The following PIEZO2 variants were observed in gnomAD, a reference collection of about 807,000 sequenced individuals.
PIEZO2 encodes the protein piezo-type mechanosensitive ion channel component 2.
In PIEZO2, 172 loss-of-function variants were observed where a neutral mutation model predicts 337.3. The observed-to-expected ratio is 0.51, with a 90% confidence interval of 0.45 to 0.58. PIEZO2 has a LOEUF of 0.58. Ranked by LOEUF, PIEZO2 falls within the 20% of genes least tolerant of loss-of-function variation. The pLI is 0.00. For missense variants in PIEZO2, 3,028 were observed against 3,391.3 expected, an observed-to-expected ratio of 0.89 and a Z score of 2.66; for synonymous variants, 1,251 against 1,228.5, an observed-to-expected ratio of 1.02 and a Z score of -0.38.
At chr18:10,868,424 T>A (rs1174405376) in intron 5 of PIEZO2, among the ~76,000 whole-genome samples, 3 of 152,148 alleles carry the variant, frequency 2.0e-5, no homozygotes, top group African/African-American at 7.2e-5. Flanking sequence ...ATGGAAGCAA[T>A]TTTTCCTTGT....
intron 5 of PIEZO2, among the ~76,000 whole-genome samples, chr18:10,864,006 T>G (rs1414061775): frequency 6.6e-6 from 1 of 152,102 alleles, no homozygotes; most frequent in Non-Finnish European, 1.5e-5. Context: ...TGGTATTCAC[T>G]CCAAAAATAA....
intron 2 of PIEZO2, among the ~76,000 whole-genome samples, chr18:10,986,054 G>T: frequency 6.6e-6 from 1 of 152,052 alleles, no homozygotes; most frequent in Admixed American, 6.5e-5. Context: ...AAGACAACAG[G>T]ATTGGGTATT....
chr18:11,015,096 CG>C (rs1307571736), intron 2 of PIEZO2, among the ~76,000 whole-genome samples: 2 of 125,204 alleles, frequency 1.6e-5, no homozygotes, highest in East Asian at 2.3e-4. Flanking sequence ...GACAGCGATC[CG>C]GGGCCCCCCT....
At chr18:10,718,998 TAAA>T (rs1567981766) in intron 36 of PIEZO2, among the ~76,000 whole-genome samples, 161 of 150,658 alleles carry the variant, frequency 1.1e-3, no homozygotes, top group African/African-American at 3.6e-3. Context: ...AATAAATAAA[TAAA>T]TAAATAAATA....
chr18:10,693,519 G>A (rs187482692), intron 47 of PIEZO2, among the ~76,000 whole-genome samples: 23 of 147,590 alleles, frequency 1.6e-4, no homozygotes, highest in Middle Eastern at 6.9e-3. Context: ...ATAGGCGCGC[G>A]ACACCACATA....
intron 7 of PIEZO2, among the ~76,000 whole-genome samples, chr18:10,843,931 G>A (rs2041270669): frequency 1.3e-5 from 2 of 152,212 alleles, no homozygotes; most frequent in Admixed American, 1.3e-4. Context: ...AAAGTGCAAA[G>A]GCTGGTTTAC....
At chr18:10,708,651 A>G (rs1049608436) in intron 39 of PIEZO2, among the ~76,000 whole-genome samples, 14 of 152,212 alleles carry the variant, frequency 9.2e-5, no homozygotes, top group African/African-American at 3.4e-4. Context: ...TTTAAAAAAC[A>G]TATTGGCTAG....
At chr18:10,796,910 TTACA>T (rs1394986374) in intron 12 of PIEZO2, among the ~76,000 whole-genome samples, 1 of 152,140 alleles carries the variant, frequency 6.6e-6, no homozygotes, top group Non-Finnish European at 1.5e-5. Flanking sequence ...ATATCATATC[TTACA>T]TACCATCATA....
At chr18:10,971,806 C>A (rs1005639168) in intron 3 of PIEZO2, among the ~76,000 whole-genome samples, 1 of 152,078 alleles carries the variant, frequency 6.6e-6, no homozygotes, top group South Asian at 2.1e-4. Context: ...TTTTCCCCAG[C>A]ACATGTATGA....
intron 2 of PIEZO2, among the ~76,000 whole-genome samples, chr18:11,018,636 G>T (rs2036208602): frequency 6.6e-6 from 1 of 152,074 alleles, no homozygotes; most frequent in Non-Finnish European, 1.5e-5. Context: ...GGGACAGCTT[G>T]CTCCTAATAA....
rs2040899230 is a variant in PIEZO2, at chr18:10,833,135, G to A, written c.917+22218C>T. Among the ~76,000 whole-genome samples, 1 of 152,120 alleles carries A rather than the reference G, an allele frequency of 6.6e-6. No homozygotes were observed. The stretch of plus-strand genomic sequence containing the variant: ...AGAAGAGCAAGTGTGGCTTTTCCTG[G>A]CAGAGAGGCAGCAACACCCAAGGAA... On this transcript the variant is annotated intron_variant, in intron 7 of 55. Transcript: ENST00000674853. This position sits in a 1 kb window ranked among gnomAD's most constrained non-coding sequence, Gnocchi z 4.7.
At chr18:10,902,977 A>C (rs2043086665) in intron 4 of PIEZO2, among the ~76,000 whole-genome samples, 2 of 152,094 alleles carry the variant, frequency 1.3e-5, no homozygotes, top group Non-Finnish European at 2.9e-5. Flanking sequence ...GCATTTGTAC[A>C]CTACTTCTGT....
chr18:10,740,951 G>A (rs1260860752), intron 33 of PIEZO2, 80 bp downstream of exon 33: 1 of 1,371,110 alleles, frequency 7.3e-7, no homozygotes, highest in Non-Finnish European at 1.0e-6. Flanking sequence ...GGAACACATG[G>A]GTCACGGGAA....
At chr18:10,882,842 C>CTTTTTTTTT (rs35740624) in intron 4 of PIEZO2, among the ~76,000 whole-genome samples, 9 of 128,198 alleles carry the variant, frequency 7.0e-5, no homozygotes, top group Non-Finnish European at 9.4e-5. Flanking sequence ...TTCTTTTTTT[C>CTTTTTTTTT]TTTTTTTTTT....
At chr18:11,053,011 T>C (rs2037586212) in intron 2 of PIEZO2, among the ~76,000 whole-genome samples, 1 of 152,198 alleles carries the variant, frequency 6.6e-6, no homozygotes, top group African/African-American at 2.4e-5. Flanking sequence ...AACAACACAG[T>C]GGCTGAGTGT....
In PIEZO2 at chr18:10,767,832, T is replaced by C. The variant is rs2038428779; in HGVS notation, c.2946+2316A>G. 6.6e-6 allele frequency among the ~76,000 whole-genome samples: 1 copy of C among 152,160 alleles called. No homozygotes were observed. Among genetic ancestry groups the C allele is most frequent in the African/African-American group, 2.4e-5 (1 of 41,438 alleles). ...GGAGAAGGTGCTGGCAACCAGGGGC[T>C]GGGTGTCAGTGCCGGCCAAGAGTGG... On this transcript the variant is annotated intron_variant, in intron 21 of 55. Transcript: ENST00000674853. This position sits in a 1 kb window ranked among gnomAD's most constrained non-coding sequence, Gnocchi z 4.2.
In PIEZO2 at chr18:10,748,765, G is replaced by T; in HGVS notation, c.4265-135C>A. ...TTCTGATGCTCTGACTTACTTATGA[G>T]TTGATTTATTTACAAGGAGATCACA... On this transcript the variant is annotated intron_variant, in intron 29 of 55. Coordinates refer to ENST00000674853, the MANE Select transcript of PIEZO2 (RefSeq NM_001378183.1). The surrounding 1 kb of genome is among the most constrained non-coding windows in gnomAD (Gnocchi z 5.1). The T allele has an allele frequency of 1.3e-6, 1 of 788,630 alleles. No individual in the cohort carries two copies. Among genetic ancestry groups the T allele is most frequent in the Non-Finnish European group, 1.9e-6 (1 of 526,506 alleles). 48.9% of individuals were successfully genotyped at this position (788,630 alleles called of 1,614,324 possible).
chr18:11,023,991 G>T (rs2036428260), intron 2 of PIEZO2, among the ~76,000 whole-genome samples: 2 of 152,174 alleles, frequency 1.3e-5, no homozygotes, highest in Non-Finnish European at 1.5e-5. Context: ...TGGCCCGCAA[G>T]CCCCACGCGC....
intron 2 of PIEZO2, among the ~76,000 whole-genome samples, chr18:10,986,005 G>A (rs1024954023): frequency 1.3e-5 from 2 of 151,940 alleles, no homozygotes; most frequent in African/African-American, 4.8e-5. Flanking sequence ...GACACACATA[G>A]GCTGAAAATG....
Sources: allele counts gnomAD v4.1 joint callset (sites outside exome capture counted in the v4.1 genomes callset), GRCh38; gene constraint gnomAD v4.1.1; non-coding constraint Gnocchi (gnomAD v3.1); transcripts MANE v1.5; gene names NCBI Gene and HGNC (gene_info 2026-07-23, HGNC 2026-07-21).